The following CDC42BPB variants were observed in gnomAD, a reference collection of about 807,000 sequenced individuals.
CDC42BPB encodes the protein serine/threonine-protein kinase MRCK beta.
CDC42BPB carries 37 observed loss-of-function variants against 214.9 expected under a neutral mutation model. The ratio of observed to expected loss-of-function variants is 0.17; its 90% CI spans 0.13 to 0.23. The LOEUF (loss-of-function observed/expected upper bound fraction) is 0.23. Among genes scored for constraint, CDC42BPB ranks in the 10% least tolerant of loss-of-function variants. The pLI is 1.00. For missense variants in CDC42BPB, 1,694 were observed against 2,227.0 expected, an observed-to-expected ratio of 0.76 and a Z score of 4.82; for synonymous variants, 931 against 884.0, an observed-to-expected ratio of 1.05 and a Z score of -0.94.
Position 102,968,701 on chromosome 14 carries a change from G to A in CDC42BPB, c.2011C>T (p.Arg671Trp), listed in dbSNP as rs144812182. ...LEALKVKQGGRGAGATLEHQQ... is the reference protein window; with the variant it reads ...LEALKVKQGGWGAGATLEHQQ... ...TGCTCTAAGGTGGCACCCGCTCCCC[G>A]GCCTCCTTGCTTCACCTGAAGACAA... Residue 671 changes from arginine to tryptophan, a missense_variant, in exon 15 of 37, where the codon CGG (arginine) becomes TGG (tryptophan). Arg to Trp is a moderately radical substitution (Grantham distance 101). Coordinates refer to ENST00000361246, the MANE Select transcript of CDC42BPB (RefSeq NM_006035.4). 29 of 1,613,722 alleles carry A rather than the reference G, an allele frequency of 1.8e-5. No individual in the cohort carries two copies. Among genetic ancestry groups the A allele is most frequent in the African/African-American group, 1.6e-4 (12 of 74,884 alleles).
In CDC42BPB at chr14:103,045,761, T is replaced by A. The variant is rs117278663; in HGVS notation, c.175+11238A>T. 5.4e-4 allele frequency among the ~76,000 whole-genome samples: 82 copies of A among 151,912 alleles called. 1 individual carries two copies. In the East Asian group the frequency reaches 0.01, roughly 19 times the overall value. On this transcript the variant is annotated intron_variant, in intron 1 of 36. Coordinates refer to ENST00000361246, the MANE Select transcript of CDC42BPB (RefSeq NM_006035.4). The stretch of plus-strand genomic sequence containing the variant: ...AACTACACTCTGACTTCGTGCAGAG[T>A]TGAGAGCTGGGGCGTCTCGCACACC...
chr14:102,959,960 A>C, intron 20 of CDC42BPB: 1 of 471,022 alleles, frequency 2.1e-6, no homozygotes, highest in Middle Eastern at 1.1e-3. Context: ...TAATCCCAAC[A>C]CTTTGGGAGG....
intron 24 of CDC42BPB, among the ~76,000 whole-genome samples, chr14:102,951,958 G>T (rs1394935036): frequency 2.6e-5 from 4 of 152,198 alleles, no homozygotes; most frequent in African/African-American, 9.7e-5. Flanking sequence ...ATTCTCAGTA[G>T]ATGAGTTGAG....
chr14:103,015,360 G>A (rs754136820), intron 1 of CDC42BPB, among the ~76,000 whole-genome samples: 13 of 152,064 alleles, frequency 8.5e-5, no homozygotes, highest in South Asian at 2.1e-4. Context: ...GGTGACACGC[G>A]GCTGTAATCC....
In CDC42BPB at chr14:102,943,671, T is replaced by A; in HGVS notation, c.4408+220A>T. On this transcript the variant is annotated intron_variant, in intron 30 of 36. Coordinates refer to ENST00000361246, the MANE Select transcript of CDC42BPB (RefSeq NM_006035.4). The surrounding 1 kb of genome is among the most constrained non-coding windows in gnomAD (Gnocchi z 4.6). ...GGCCTCTGGAAGAACCGGCCCCATG[T>A]GCTCAGGGAGAGAGGTTGCTGAGCC... 1.8e-6 allele frequency: 1 copy of A among 546,706 alleles called. No homozygotes were observed. Among genetic ancestry groups the A allele is most frequent in the East Asian group, 3.0e-5 (1 of 33,640 alleles). 33.9% of individuals were successfully genotyped at this position (546,706 alleles called of 1,614,324 possible). A position where few individuals can be genotyped will look rare whatever the true frequency, so the allele number is the denominator to read the frequency against.
At chr14:103,042,571 A>G (rs1888065737) in intron 1 of CDC42BPB, among the ~76,000 whole-genome samples, 1 of 152,176 alleles carries the variant, frequency 6.6e-6, no homozygotes, top group African/African-American at 2.4e-5. Context: ...CGGCCTCCCA[A>G]AGTGCTAGGA....
rs1174762350 is a variant in CDC42BPB, at chr14:102,972,755, C to A, written c.1642-594G>T. On this transcript the variant is annotated intron_variant, in intron 12 of 36. Coordinates refer to ENST00000361246, the MANE Select transcript of CDC42BPB (RefSeq NM_006035.4). ...AAAAAAAAAAAAAAAGCCCCACAAC[C>A]ACATGGGGGCAGCGTGCTTACAGGA... Among the ~76,000 whole-genome samples the A allele has an allele frequency of 2.2e-5, 3 of 134,368 alleles. No individual in the cohort carries two copies. The East Asian group carries it at 7.0e-4, about 31-fold the overall frequency. The allele number at this position is 134,368 out of a possible 152,430, so 88.2% of individuals were successfully genotyped here.
intron 1 of CDC42BPB, among the ~76,000 whole-genome samples, chr14:103,025,919 G>A (rs1431361294): frequency 6.6e-6 from 1 of 151,972 alleles, no homozygotes; most frequent in Admixed American, 6.6e-5. Flanking sequence ...TCCATTACAT[G>A]AGACTCAGAA....
At chr14:102,993,478 A>G (rs1277935338) in intron 5 of CDC42BPB, among the ~76,000 whole-genome samples, 5 of 151,554 alleles carry the variant, frequency 3.3e-5, no homozygotes, top group African/African-American at 1.2e-4. Context: ...TTCTTTTCTC[A>G]TGAAAAAAGA....
At chr14:102,933,890 G>C in intron 36 of CDC42BPB, 47 bp from the exon 37 acceptor site, 1 of 1,470,818 alleles carries the variant, frequency 6.8e-7, no homozygotes, top group Non-Finnish European at 8.9e-7. Context: ...CCCTAGCCTG[G>C]GGAGGCACGC....
intron 25 of CDC42BPB, among the ~76,000 whole-genome samples, 168 bp downstream of exon 25, chr14:102,950,298 G>A (rs1892426918): frequency 6.6e-6 from 1 of 152,242 alleles, no homozygotes; most frequent in South Asian, 2.1e-4. Flanking sequence ...TCAGAACAGC[G>A]GCTGCGCCGA....
intron 11 of CDC42BPB, 121 bp downstream of exon 11, chr14:102,975,563 G>A: frequency 5.6e-6 from 6 of 1,067,202 alleles, no homozygotes; most frequent in Non-Finnish European, 8.2e-6. Context: ...CTCTAAATAA[G>A]CTTGCTAAAG....
intron 1 of CDC42BPB, among the ~76,000 whole-genome samples, chr14:103,037,060 A>G (rs867133098): frequency 6.6e-6 from 1 of 151,948 alleles, no homozygotes; most frequent in Non-Finnish European, 1.5e-5. Context: ...CCCACCTCTT[A>G]TAGGCGTGAG....
Position 102,972,089 on chromosome 14 carries a change from G to T in CDC42BPB, c.1714C>A (p.Leu572Met), listed in dbSNP as rs1374958981. ...ELKDAHQQRKLALQEFSELNE... is the reference protein window; with the variant it reads ...ELKDAHQQRKMALQEFSELNE... ...AGCTCCGAGAACTCCTGCAGGGCCA[G>T]CTTTCGCTGCTGATGGGCATCTTTG... The change falls in exon 13 of 37, where the codon CTG becomes ATG. Residue 572 changes from leucine (L) to methionine (M), a missense_variant. Leu to Met is a conservative substitution (Grantham distance 15). Coordinates refer to ENST00000361246, the MANE Select transcript of CDC42BPB (RefSeq NM_006035.4). The T allele has an allele frequency of 1.2e-6, 2 of 1,614,276 alleles. No homozygotes were observed. The highest frequency in any genetic ancestry group is 3.3e-5 in the Admixed American group (2 of 60,026).
intron 36 of CDC42BPB, among the ~76,000 whole-genome samples, chr14:102,934,832 C>T (rs986042215): frequency 6.6e-6 from 1 of 151,702 alleles, no homozygotes; most frequent in African/African-American, 2.4e-5. Flanking sequence ...ACAGTGAAAC[C>T]CTGTCTCTGC....
chr14:102,965,294 A>G (rs1000749403), intron 18 of CDC42BPB, among the ~76,000 whole-genome samples: 2 of 151,478 alleles, frequency 1.3e-5, no homozygotes, highest in Non-Finnish European at 2.9e-5. Flanking sequence ...CCTAAGGTAC[A>G]TTATAGGGTT....
chr14:102,932,397 C>T lies in CDC42BPB; in HGVS notation c.*1315G>A, dbSNP rs1324886738. ...CCACTGGGAACTTTAAAACTGCCGT[C>T]TTCTGCTTTATTGACAGGTAAATTG... On this transcript the variant is annotated 3_prime_UTR_variant, in exon 37 of 37. Transcript: ENST00000361246. 2 of 152,268 alleles carry T rather than the reference C, an allele frequency of 1.3e-5. No homozygotes were observed. The highest frequency in any genetic ancestry group is 1.3e-4 in the Admixed American group (2 of 15,280). 9.4% of individuals were successfully genotyped at this position (152,268 alleles called of 1,614,324 possible). A position where few individuals can be genotyped will look rare whatever the true frequency, so the allele number is the denominator to read the frequency against.
At chr14:102,975,642 A>G (rs770032015) in intron 11 of CDC42BPB, 42 bp downstream of exon 11, 1 of 1,599,810 alleles carries the variant, frequency 6.3e-7, no homozygotes, top group Non-Finnish European at 8.6e-7. Flanking sequence ...GACAGTAATG[A>G]CCAAAAATAG....
At chr14:102,974,436 T>G in intron 11 of CDC42BPB, 1 of 862,684 alleles carries the variant, frequency 1.2e-6, no homozygotes, top group Non-Finnish European at 1.4e-6. Context: ...CACACACTCG[T>G]CTGCTCAGTC....
Sources: gnomAD v4.1 joint callset for allele counts (sites outside exome capture counted in the v4.1 genomes callset) on GRCh38, gnomAD v4.1.1 for gene constraint, Gnocchi (gnomAD v3.1) non-coding constraint, MANE v1.5 for transcripts, NCBI Gene and HGNC (gene_info 2026-07-23, HGNC 2026-07-21) for gene names.